Variants in FGD3 observed in about 807,000 individuals in gnomAD.
The protein encoded by FGD3 is FYVE, RhoGEF and PH domain containing 3.
FGD3 carries 45 observed loss-of-function variants against 71.8 expected under a neutral mutation model. The observed-to-expected ratio is 0.63, with a 90% CI of 0.49 to 0.80. The LOEUF is 0.80. Among genes scored for constraint, FGD3 ranks in the 30% least tolerant of loss-of-function variants. FGD3 has a pLI of 0.00. For missense variants in FGD3, 844 were observed against 951.5 expected (o/e 0.89, Z 1.49); for synonymous variants, 378 against 392.8 (o/e 0.96, Z 0.44).
chr9:92,987,187 C>G (rs1177630035), intron 3 of FGD3, among the ~76,000 whole-genome samples: 1 of 152,094 alleles, frequency 6.6e-6, no homozygotes, highest in Non-Finnish European at 1.5e-5. Context: ...AATGCCAGCA[C>G]TTTGGGAGGC....
intron 1 of FGD3, among the ~76,000 whole-genome samples, chr9:92,967,809 G>A (rs1391367054): frequency 2.0e-5 from 3 of 152,092 alleles, no homozygotes; most frequent in Admixed American, 6.5e-5. Context: ...TCTTGACCTC[G>A]TGATCCGCCC....
chr9:92,996,127 G>A (rs1860633324), intron 3 of FGD3, among the ~76,000 whole-genome samples: 1 of 152,034 alleles, frequency 6.6e-6, no homozygotes, highest in Non-Finnish European at 1.5e-5. Context: ...TTGGTTGGTA[G>A]GCTATTAATT....
intron 16 of FGD3, chr9:93,033,174 C>T (rs1439160982): frequency 2.2e-6 from 1 of 449,508 alleles, no homozygotes; most frequent in Admixed American, 3.3e-5. Context: ...TGAAGCTGCC[C>T]TCAAGTCCAG....
intron 15 of FGD3, among the ~76,000 whole-genome samples, chr9:93,031,659 C>T (rs555469995): frequency 6.6e-6 from 1 of 152,286 alleles, no homozygotes; most frequent in South Asian, 2.1e-4. Flanking sequence ...CTGAGACCTG[C>T]GATATGAGCT....
At chr9:93,025,420 G>A (rs1330389456) in intron 14 of FGD3, among the ~76,000 whole-genome samples, 1 of 152,240 alleles carries the variant, frequency 6.6e-6, no homozygotes, top group Non-Finnish European at 1.5e-5. Flanking sequence ...AAACAGCAGA[G>A]TTGAGACTAG....
chr9:93,010,300 C>A lies in FGD3; in HGVS notation c.892C>A (p.Gln298Lys). The A allele has an allele frequency of 6.2e-7, 1 of 1,613,552 alleles. No individual in the cohort carries two copies. Among genetic ancestry groups the A allele is most frequent in the Non-Finnish European group, 8.5e-7 (1 of 1,179,598 alleles). ...GCAGCACCACATGCTGGAGCCCGTG[C>A]AGAGGGTCCCCCGGTACGAGCTGCT... ...TLQHHMLEPV[Q>K]RVPRYELLLK... Residue 298 changes from glutamine (Q) to lysine (K), a missense_variant, in exon 7 of 18, where the codon CAG becomes AAG. Gln to Lys is a moderately conservative substitution (Grantham distance 53, BLOSUM62 1). Transcript: ENST00000375482.
At chr9:93,000,038 TTG>T (rs1353211742) in intron 3 of FGD3, among the ~76,000 whole-genome samples, 1 of 103,208 alleles carries the variant, frequency 9.7e-6, no homozygotes, top group Non-Finnish European at 1.8e-5. Context: ...CTATCTTTCT[TTG>T]TGTTTAATTG....
At chr9:92,975,847 C>T (rs922298926) in intron 2 of FGD3, among the ~76,000 whole-genome samples, 1 of 152,146 alleles carries the variant, frequency 6.6e-6, no homozygotes, top group Non-Finnish European at 1.5e-5. Flanking sequence ...AAAAGCACCA[C>T]GGATGCGCTA....
intron 3 of FGD3, among the ~76,000 whole-genome samples, chr9:92,984,535 G>A (rs1377209988): frequency 6.6e-6 from 1 of 152,158 alleles, no homozygotes; most frequent in South Asian, 2.1e-4. Context: ...TTTTGCTAGG[G>A]TTTGTCCAAA....
At chr9:93,009,823 G>A (rs1861230745) in intron 6 of FGD3, among the ~76,000 whole-genome samples, 1 of 152,200 alleles carries the variant, frequency 6.6e-6, no homozygotes, top group African/African-American at 2.4e-5. Flanking sequence ...ATAAGGACAA[G>A]CCCTGGCCCG....
chr9:92,950,583 C>T (rs570561147), intron 1 of FGD3, among the ~76,000 whole-genome samples: 36 of 152,220 alleles, frequency 2.4e-4, no homozygotes, highest in Admixed American at 1.3e-3. Context: ...CTGTTCCGTG[C>T]GGATTCTGGA....
Position 93,002,975 on chromosome 9 carries a change from C to T in FGD3, c.504C>T (p.Thr168=), listed in dbSNP as rs756754777. 8 of 1,613,998 alleles carry T rather than the reference C, an allele frequency of 5.0e-6. No homozygotes were observed. The highest frequency in any genetic ancestry group is 4.5e-5 in the East Asian group (2 of 44,896). ...LLHIAQELLH[T]EETYVKRLHL... ...ACATTGCCCAGGAGCTCCTGCACAC[C>T]GAGGAGACCTATGTGAAGCGGCTGC... The change falls in exon 4 of 18, where the codon ACC becomes ACT. Residue 168 remains threonine, a synonymous_variant. Transcript: ENST00000375482.
chr9:93,017,287 A>T (rs1861739401), intron 10 of FGD3, among the ~76,000 whole-genome samples: 1 of 152,186 alleles, frequency 6.6e-6, no homozygotes, highest in Admixed American at 6.5e-5. Context: ...TAATTTTAAA[A>T]ATAATAATGA....
chr9:93,028,853 C>A (rs1040999279), intron 14 of FGD3, among the ~76,000 whole-genome samples: 1 of 152,158 alleles, frequency 6.6e-6, no homozygotes. Context: ...GAAACCAAGG[C>A]TGGACTGGGC....
In FGD3 at chr9:93,022,356, G is replaced by T. The variant is rs1334428807; in HGVS notation, c.1524G>T (p.Val508=). Residue 508 remains valine, a synonymous_variant, in exon 14 of 18, where the codon GTG becomes GTT. Transcript: ENST00000375482. ...CGAGCACCAGCCCTGTGGAGCCTGT[G>T]GTGACCACCGAAGGCAGTTCGGGTG... ...PITSTSPVEP[V]VTTEGSSGAA... 8.7e-6 allele frequency: 14 copies of T among 1,612,514 alleles called. No individual in the cohort carries two copies. Among genetic ancestry groups the T allele is most frequent in the African/African-American group, 2.7e-5 (2 of 74,936 alleles).
rs539624616 is a variant in FGD3, at chr9:92,959,183, A to G, written c.-218+11454A>G. On this transcript the variant is annotated intron_variant, in intron 1 of 17. Transcript: ENST00000375482. ...ACCGTGCTGCCCAGGCTGGTCGTGAACTCCTGACCTCAGGCAATCCGCCCA... is the reference window on the plus strand; with the variant it reads ...ACCGTGCTGCCCAGGCTGGTCGTGAGCTCCTGACCTCAGGCAATCCGCCCA... Among the ~76,000 whole-genome samples the G allele has an allele frequency of 1.9e-3, 283 of 152,148 alleles. 3 individuals carry two copies. The highest frequency in any genetic ancestry group is 6.4e-3 in the African/African-American group (266 of 41,498).
chr9:93,004,838 T>A (rs967595716), intron 5 of FGD3, among the ~76,000 whole-genome samples: 1 of 152,128 alleles, frequency 6.6e-6, no homozygotes, highest in Non-Finnish European at 1.5e-5. Flanking sequence ...GAGGCTTGAC[T>A]GGAATGGGAG....
At chr9:93,021,412 T>A (rs779982892) in intron 13 of FGD3, among the ~76,000 whole-genome samples, 5 of 152,144 alleles carry the variant, frequency 3.3e-5, no homozygotes, top group Admixed American at 6.5e-5. Flanking sequence ...CTCCCGGGGC[T>A]TCCCTGGAGT....
At chr9:93,024,103 G>A (rs1862033472) in intron 14 of FGD3, among the ~76,000 whole-genome samples, 1 of 152,132 alleles carries the variant, frequency 6.6e-6, no homozygotes, top group African/African-American at 2.4e-5. Context: ...ATGGGAATCC[G>A]CCCGTCAGCA....
Sources: gnomAD v4.1 joint callset for allele counts (sites outside exome capture counted in the v4.1 genomes callset) on GRCh38, gnomAD v4.1.1 for gene constraint, MANE v1.5 for transcripts, NCBI Gene and HGNC (gene_info 2026-07-23, HGNC 2026-07-21) for gene names.